The following GPR139 variants were observed in gnomAD, a reference collection of about 807,000 sequenced individuals.
GPR139 encodes probable G protein-coupled receptor 139.
Under a neutral mutation model 25.8 loss-of-function variants are expected in GPR139, and 12 were observed. The observed-to-expected ratio is 0.47, with a 90% CI of 0.30 to 0.75. The LOEUF is 0.75. Among genes scored for constraint, GPR139 ranks in the 30% least tolerant of loss-of-function variants. The pLI is 0.07. For synonymous variants in GPR139, 184 were observed against 179.9 expected (o/e 1.02, Z -0.18); for missense variants, 380 against 450.2 (o/e 0.84, Z 1.41).
At chr16:20,057,627 C>CCCAT (rs940527912) in intron 1 of GPR139, among the ~76,000 whole-genome samples, 1 of 151,738 alleles carries the variant, frequency 6.6e-6, no homozygotes, top group Non-Finnish European at 1.5e-5. Context: ...TATAAATCCA[C>CCCAT]CCATCCATCC....
At chr16:20,062,225 C>A (rs893621617) in intron 1 of GPR139, among the ~76,000 whole-genome samples, 1 of 152,144 alleles carries the variant, frequency 6.6e-6, no homozygotes, top group Non-Finnish European at 1.5e-5. Flanking sequence ...AAGTCCTAAC[C>A]CCCAATGTGA....
At chr16:20,042,981 C>T (rs753871949) in intron 1 of GPR139, among the ~76,000 whole-genome samples, 7 of 152,234 alleles carry the variant, frequency 4.6e-5, no homozygotes, top group Middle Eastern at 3.4e-3. Context: ...TCATTGGGGT[C>T]CTGGGCCCTG....
chr16:20,072,218 T>TG (rs2057462060), intron 1 of GPR139, among the ~76,000 whole-genome samples: 1 of 152,082 alleles, frequency 6.6e-6, no homozygotes, highest in South Asian at 2.1e-4. Flanking sequence ...ATCACTGGCT[T>TG]GGGGAGAGAG....
chr16:20,037,342 C>T (rs550947170), intron 1 of GPR139, among the ~76,000 whole-genome samples: 3 of 151,590 alleles, frequency 2.0e-5, no homozygotes, highest in African/African-American at 4.9e-5. Flanking sequence ...ATCGCAGCTA[C>T]TCGGGAGGCT....
chr16:20,070,863 GA>G, intron 1 of GPR139: 1 of 757,828 alleles, frequency 1.3e-6, no homozygotes, highest in Non-Finnish European at 1.6e-6. Flanking sequence ...GGTGGCTGGG[GA>G]AGGGAGGTGA....
chr16:20,047,341 C>G (rs2057357795), intron 1 of GPR139, among the ~76,000 whole-genome samples: 2 of 152,148 alleles, frequency 1.3e-5, no homozygotes, highest in African/African-American at 4.8e-5. Context: ...GAACTCCTGA[C>G]CTGGGAGGCC....
intron 1 of GPR139, among the ~76,000 whole-genome samples, chr16:20,062,967 G>C (rs1438958145): frequency 1.3e-5 from 2 of 152,130 alleles, no homozygotes; most frequent in Non-Finnish European, 2.9e-5. Context: ...CTATTTAGAT[G>C]TCATAAAATG....
Position 20,073,872 on chromosome 16 carries a change from G to T in GPR139, c.-256C>A, listed in dbSNP as rs890928066. 2 of 425,252 alleles carry T rather than the reference G, an allele frequency of 4.7e-6. No individual in the cohort carries two copies. The highest frequency in any genetic ancestry group is 4.8e-5 in the Admixed American group (1 of 21,004). The allele number at this position is 425,252 out of a possible 1,614,324, so 26.3% of individuals were successfully genotyped here. A position where few individuals can be genotyped will look rare whatever the true frequency, so the allele number is the denominator to read the frequency against. ...CGCGCTGCGCGGGGCCTCGGGAGGG[G>T]CTCCCGGAGCCCGTCTGTGCGCCTC... On this transcript the variant is annotated 5_prime_UTR_variant, in exon 1 of 2. Coordinates refer to ENST00000570682, the MANE Select transcript of GPR139 (RefSeq NM_001002911.4). The surrounding 1 kb of genome is among the most constrained non-coding windows in gnomAD (Gnocchi z 4.7).
chr16:20,073,251 AT>A lies in GPR139; in HGVS notation c.127+238del, dbSNP rs1363083696. The stretch of plus-strand genomic sequence containing the variant: ...CAGCCCATCGCCCGCCGTCACAGTC[AT>A]CACACACACACACACACACACACAC... On this transcript the variant is annotated intron_variant, in intron 1 of 1. Transcript: ENST00000570682. The surrounding 1 kb of genome is among the most constrained non-coding windows in gnomAD (Gnocchi z 4.7). Among the ~76,000 whole-genome samples, 1 of 109,984 alleles carries A rather than the reference AT, an allele frequency of 9.1e-6. No individual in the cohort carries two copies. The highest frequency in any genetic ancestry group is 2.8e-4 in the East Asian group (1 of 3,612). The allele number at this position is 109,984 out of a possible 152,430, so 72.2% of individuals were successfully genotyped here.
At position 20,032,065 on chromosome 16, in the gene GPR139, G is replaced by T. The variant is rs146095491; in HGVS notation, c.732C>A (p.Arg244=). ...AGAGGTGGTAAAGAATCATGATGAT[G>T]CGGGGGGCCCAAAGTGTGGCAAAGA... ...TSIFATLWAP[R]IIMILYHLYG... The change falls in exon 2 of 2, where the codon CGC becomes CGA. Residue 244 remains arginine, a synonymous_variant. Transcript: ENST00000570682. The T allele has an allele frequency of 2.4e-5, 38 of 1,614,078 alleles. No individual in the cohort carries two copies. The African/African-American group carries it at 4.3e-4, about 18-fold the overall frequency.
intron 1 of GPR139, among the ~76,000 whole-genome samples, chr16:20,060,257 CGTGT>C (rs903630946): frequency 4.2e-4 from 62 of 146,736 alleles, no homozygotes; most frequent in Admixed American, 2.5e-3. Flanking sequence ...TGTGTGTGTG[CGTGT>C]GTGTGTGTGG....
chr16:20,054,622 G>T (rs563280854), intron 1 of GPR139, among the ~76,000 whole-genome samples: 2 of 152,114 alleles, frequency 1.3e-5, no homozygotes, highest in African/African-American at 4.8e-5. Context: ...GGTACATCAT[G>T]TGCAGGTTTG....
intron 1 of GPR139, among the ~76,000 whole-genome samples, chr16:20,054,702 TCCTTCCTC>T (rs1052129626): frequency 6.6e-5 from 10 of 151,740 alleles, no homozygotes; most frequent in African/African-American, 2.4e-4. Flanking sequence ...CTTCCTTCCT[TCCTTCCTC>T]CCTCTTCCTT....
Position 20,028,780 on chromosome 16 carries a change from A to AC in GPR139, c.*2954dup, listed in dbSNP as rs1315264556. ...GTGCGTATCATCATTGCAATGTCCA[A>AC]CCAAGGACACAAATCATATAGCAAG... On this transcript the variant is annotated 3_prime_UTR_variant, in exon 2 of 2. Coordinates refer to ENST00000570682, the MANE Select transcript of GPR139 (RefSeq NM_001002911.4). Among the ~76,000 whole-genome samples the AC allele has an allele frequency of 1.2e-4, 19 of 152,180 alleles. No homozygotes were observed. The highest frequency in any genetic ancestry group is 8.5e-4 in the Admixed American group (13 of 15,274).
At chr16:20,051,251 G>A (rs897497828) in intron 1 of GPR139, among the ~76,000 whole-genome samples, 1 of 152,166 alleles carries the variant, frequency 6.6e-6, no homozygotes, top group East Asian at 1.9e-4. Context: ...AATTTTACAA[G>A]AGACAGCAGA....
chr16:20,041,215 G>A (rs2057331788), intron 1 of GPR139, among the ~76,000 whole-genome samples: 1 of 3,246 alleles, frequency 3.1e-4, no homozygotes, highest in South Asian at 7.5e-3. Flanking sequence ...GGAGAGGAGA[G>A]GAGAGGAGAG....
At chr16:20,058,949 T>A (rs2057401028) in intron 1 of GPR139, among the ~76,000 whole-genome samples, 1 of 152,164 alleles carries the variant, frequency 6.6e-6, no homozygotes, top group African/African-American at 2.4e-5. Flanking sequence ...GGCACAGACG[T>A]CCTTGGTGTC....
chr16:20,046,768 T>C (rs1055298567), intron 1 of GPR139, among the ~76,000 whole-genome samples: 23 of 151,936 alleles, frequency 1.5e-4, no homozygotes, highest in African/African-American at 5.6e-4. Flanking sequence ...AACAGAAGCA[T>C]TAAAACAAAG....
chr16:20,053,258 G>A (rs2057378473), intron 1 of GPR139, among the ~76,000 whole-genome samples: 1 of 152,168 alleles, frequency 6.6e-6, no homozygotes, highest in African/African-American at 2.4e-5. Context: ...TCAGATGCAG[G>A]ACAGAACTTG....
Sources: gnomAD v4.1 joint callset for allele counts (sites outside exome capture counted in the v4.1 genomes callset) on GRCh38, gnomAD v4.1.1 for gene constraint, Gnocchi (gnomAD v3.1) non-coding constraint, MANE v1.5 for transcripts, NCBI Gene and HGNC (gene_info 2026-07-23, HGNC 2026-07-21) for gene names.